Variants in SEZ6 observed in about 807,000 individuals in gnomAD.
The protein encoded by SEZ6 is seizure protein 6 homolog.
SEZ6 carries 53 observed loss-of-function variants against 101.0 expected under a neutral mutation model. That is an observed-to-expected ratio of 0.52 (90% CI 0.42 to 0.66). The LOEUF (loss-of-function observed/expected upper bound fraction) is 0.66. Ranked by LOEUF, SEZ6 falls within the 30% of genes least tolerant of loss-of-function variation. SEZ6 has a pLI of 0.00. For synonymous variants in SEZ6, 488 were observed against 512.2 expected (o/e 0.95, Z 0.64); for missense variants, 1,102 against 1,289.4 (o/e 0.85, Z 2.23).
rs56755199 is a variant in SEZ6, at chr17:28,994,272, C to CT, written c.55+11542dup. Among the ~76,000 whole-genome samples, 195 of 147,568 alleles carry CT rather than the reference C, an allele frequency of 1.3e-3. 1 individual carries two copies. Among genetic ancestry groups the CT allele is most frequent in the African/African-American group, 3.8e-3 (155 of 40,274 alleles). On this transcript the variant is annotated intron_variant, in intron 1 of 16. Coordinates refer to ENST00000317338, the MANE Select transcript of SEZ6 (RefSeq NM_178860.5). ...TTTTCACACAGTATTTGGTTACTGA[C>CT]TTTTTTTTTTTTTCCTTTTTGGAGA...
chr17:28,959,071 C>G lies in SEZ6; in HGVS notation c.2061G>C (p.Gly687=), dbSNP rs1353724184. Reference sequence around the variant, plus strand: ...CCTGCTGGTAGCCCAGCACTGAGGTCCCGGGGTCCGACTGGAACTGAATGG... The same window carrying G: ...CCTGCTGGTAGCCCAGCACTGAGGTGCCGGGGTCCGACTGGAACTGAATGG... The part of the protein sequence containing the change: ...DVTIQFQSDP[G]TSVLGYQQGF... Residue 687 remains glycine (G), a synonymous_variant, in exon 10 of 17, where the codon GGG becomes GGC. Transcript: ENST00000317338. The surrounding 1 kb of genome is among the most constrained non-coding windows in gnomAD (Gnocchi z 4.4). 2 of 1,613,822 alleles carry G rather than the reference C, an allele frequency of 1.2e-6. No individual in the cohort carries two copies. The highest frequency in any genetic ancestry group is 8.5e-7 in the Non-Finnish European group (1 of 1,179,880).
At chr17:28,999,432 C>T (rs1265362141) in intron 1 of SEZ6, among the ~76,000 whole-genome samples, 1 of 151,468 alleles carries the variant, frequency 6.6e-6, no homozygotes, top group Non-Finnish European at 1.5e-5. Flanking sequence ...CCCCTCCCTT[C>T]CTGCCAGACT....
Position 28,965,087 on chromosome 17 carries a change from C to T in SEZ6, c.1055-940G>A, listed in dbSNP as rs2041043434. Among the ~76,000 whole-genome samples the T allele has an allele frequency of 2.6e-5, 4 of 151,498 alleles. No individual in the cohort carries two copies. In the South Asian group the frequency reaches 8.4e-4, roughly 32 times the overall value. On this transcript the variant is annotated intron_variant, in intron 4 of 16. Coordinates refer to ENST00000317338, the MANE Select transcript of SEZ6 (RefSeq NM_178860.5). Reference sequence around the variant, plus strand: ...AAACAAACAGCCGGGAGTGGTGGCTCATGCCTGTAATCCCAGCACTTTGGG... The same window carrying T: ...AAACAAACAGCCGGGAGTGGTGGCTTATGCCTGTAATCCCAGCACTTTGGG...
In SEZ6 at chr17:28,957,467, C is replaced by T; in HGVS notation, c.2375G>A (p.Gly792Glu). 31 of 1,613,962 alleles carry T rather than the reference C, an allele frequency of 1.9e-5. No homozygotes were observed. The highest frequency in any genetic ancestry group is 2.6e-5 in the Non-Finnish European group (31 of 1,179,882). Residue 792 changes from glycine (G) to glutamate (E), a missense_variant, in exon 12 of 17, where the codon GGG (glycine) becomes GAG (glutamate). This residue lies in a region of SEZ6 where 556 missense variants were observed against 735.1 expected (regional missense o/e 0.76). Coordinates refer to ENST00000317338, the MANE Select transcript of SEZ6 (RefSeq NM_178860.5). The part of the protein sequence containing the change: ...RLISSPKFPV[G>E]ATVQYICDQG... Reference sequence around the variant, plus strand: ...GTCACAGATATATTGCACGGTGGCCCCCACGGGAAACTTGGGGCTGGATAT... The same window carrying T: ...GTCACAGATATATTGCACGGTGGCCTCCACGGGAAACTTGGGGCTGGATAT...
chr17:28,957,613 C>A, intron 11 of SEZ6, 74 bp from the exon 12 acceptor site: 1 of 1,486,078 alleles, frequency 6.7e-7, no homozygotes, highest in South Asian at 1.3e-5. Context: ...TGGCTTTGTT[C>A]CAGGCCAGCT....
chr17:28,956,554 A>G, intron 14 of SEZ6, 87 bp from the exon 15 acceptor site: 1 of 1,475,202 alleles, frequency 6.8e-7, no homozygotes, highest in Non-Finnish European at 9.2e-7. Context: ...GCATCTGACT[A>G]CCAGCTCCCT....
chr17:28,959,922 G>A lies in SEZ6; in HGVS notation c.1577-30C>T. On this transcript the variant is annotated intron_variant, in intron 7 of 16. Transcript: ENST00000317338. This position sits in a 1 kb window ranked among gnomAD's most constrained non-coding sequence, Gnocchi z 4.4. Reference sequence around the variant, plus strand: ...AAACCACAGGTCCCAGCCCAGCTCAGCCTTGACTGGTATTAAACACAGTGG... The same window carrying A: ...AAACCACAGGTCCCAGCCCAGCTCAACCTTGACTGGTATTAAACACAGTGG... The A allele has an allele frequency of 6.3e-7, 1 of 1,577,986 alleles. No individual in the cohort carries two copies. Among genetic ancestry groups the A allele is most frequent in the Non-Finnish European group, 8.6e-7 (1 of 1,161,976 alleles).
intron 7 of SEZ6, 44 bp downstream of exon 7, chr17:28,960,461 T>A: frequency 6.4e-7 from 1 of 1,561,648 alleles, no homozygotes; most frequent in Non-Finnish European, 8.7e-7. Flanking sequence ...CCCGAGCCCA[T>A]CCCCGTGGAC....
At chr17:28,999,859 A>G (rs1478184013) in intron 1 of SEZ6, among the ~76,000 whole-genome samples, 4 of 152,218 alleles carry the variant, frequency 2.6e-5, no homozygotes, top group Admixed American at 1.3e-4. Context: ...TTCAGGGACC[A>G]TAGTTCACCT....
chr17:28,958,702 A>T (rs2040923338), intron 10 of SEZ6, among the ~76,000 whole-genome samples: 1 of 152,112 alleles, frequency 6.6e-6, no homozygotes, highest in South Asian at 2.1e-4. Flanking sequence ...AGGCACGAGA[A>T]TCGCTTGAGC....
intron 14 of SEZ6, 103 bp downstream of exon 14, chr17:28,956,616 T>G (rs762667684): frequency 7.6e-5 from 115 of 1,519,628 alleles, no homozygotes; most frequent in Non-Finnish European, 1.0e-4. Context: ...GGCCCAAACC[T>G]CTCTCTTTCT....
chr17:28,991,367 G>A (rs2041454803), intron 1 of SEZ6, among the ~76,000 whole-genome samples: 1 of 151,742 alleles, frequency 6.6e-6, no homozygotes, highest in South Asian at 2.1e-4. Context: ...ACTACGCCTG[G>A]CTAATTTTTG....
At chr17:28,984,458 T>C (rs1305130461) in intron 1 of SEZ6, among the ~76,000 whole-genome samples, 2 of 152,178 alleles carry the variant, frequency 1.3e-5, no homozygotes, top group African/African-American at 4.8e-5. Flanking sequence ...GTGTGACTCT[T>C]CCTGGGAGAG....
chr17:28,997,039 G>C (rs889236363), intron 1 of SEZ6, among the ~76,000 whole-genome samples: 5 of 152,068 alleles, frequency 3.3e-5, no homozygotes, highest in African/African-American at 1.2e-4. Context: ...GTCGGCTCAG[G>C]AGCATCACTC....
intron 4 of SEZ6, among the ~76,000 whole-genome samples, chr17:28,967,228 T>C (rs963956174): frequency 6.6e-6 from 1 of 152,194 alleles, no homozygotes; most frequent in Non-Finnish European, 1.5e-5. Flanking sequence ...TTCCAGATTC[T>C]AAAATGCCTT....
chr17:28,991,926 C>T (rs1401757515), intron 1 of SEZ6, among the ~76,000 whole-genome samples: 1 of 152,184 alleles, frequency 6.6e-6, no homozygotes, highest in Non-Finnish European at 1.5e-5. Context: ...GGAGGACAGC[C>T]AGGAACACTT....
At position 29,005,847 on chromosome 17, in the gene SEZ6, A is replaced by G. The variant is rs1206318600; in HGVS notation, c.23T>C (p.Leu8Pro). ...CAGGAGCGCCAGCAGCGAGGGCAGG[A>G]GCAGCAGGGCTACCGGGCGCATGGT... MRPVALL[L>P]LPSLLALLAH... Residue 8 changes from leucine (L) to proline (P), a missense_variant, in exon 1 of 17, where the codon CTC (leucine) becomes CCC (proline). Around this residue, in one of 3 missense-constraint regions of SEZ6, gnomAD observed 406 missense variants for 418.6 expected, o/e 0.97. Coordinates refer to ENST00000317338, the MANE Select transcript of SEZ6 (RefSeq NM_178860.5). This position sits in a 1 kb window ranked among gnomAD's most constrained non-coding sequence, Gnocchi z 4.8. 1 of 1,483,192 alleles carries G rather than the reference A, an allele frequency of 6.7e-7. No homozygotes were observed. The highest frequency in any genetic ancestry group is 8.9e-7 in the Non-Finnish European group (1 of 1,117,324). 91.9% of individuals were successfully genotyped at this position (1,483,192 alleles called of 1,614,324 possible). A position where few individuals can be genotyped will look rare whatever the true frequency, so the allele number is the denominator to read the frequency against.
At chr17:28,985,878 G>A (rs1042261227) in intron 1 of SEZ6, among the ~76,000 whole-genome samples, 11 of 152,240 alleles carry the variant, frequency 7.2e-5, no homozygotes, top group African/African-American at 1.2e-4. Flanking sequence ...GATCGTCCCC[G>A]TGATCCCCAC....
At chr17:28,982,105 G>A (rs1022920760) in intron 1 of SEZ6, 66 bp from the exon 2 acceptor site, 14 of 1,488,400 alleles carry the variant, frequency 9.4e-6, no homozygotes, top group East Asian at 9.3e-5. Context: ...CGCCCAACTC[G>A]AGTAGTGGGG....
Sources: gnomAD v4.1 joint callset for allele counts (sites outside exome capture counted in the v4.1 genomes callset) on GRCh38, gnomAD v4.1.1 for gene constraint, gnomAD v4.1.1 regional missense constraint, Gnocchi (gnomAD v3.1) non-coding constraint, MANE v1.5 for transcripts, NCBI Gene and HGNC (gene_info 2026-07-23, HGNC 2026-07-21) for gene names.